Variants in TSHZ3 observed in about 807,000 individuals in gnomAD.
The protein encoded by TSHZ3 is teashirt zinc finger homeobox 3.
Under a neutral mutation model 64.5 loss-of-function variants are expected in TSHZ3, and 10 were observed. The ratio of observed to expected loss-of-function variants is 0.16; its 90% confidence interval spans 0.10 to 0.26. The LOEUF (loss-of-function observed/expected upper bound fraction) is 0.26. Ranked by LOEUF, TSHZ3 falls within the 10% of genes least tolerant of loss-of-function variation. The pLI is 1.00. For synonymous variants in TSHZ3, 608 were observed against 593.1 expected (o/e 1.03, Z -0.36); for missense variants, 1,242 against 1,421.7 (o/e 0.87, Z 2.03).
chr19:31,155,050 T>A (rs1974288435), intron 6 of TSHZ3, among the ~76,000 whole-genome samples: 1 of 152,232 alleles, frequency 6.6e-6, no homozygotes, highest in African/African-American at 2.4e-5. Context: ...TCAACAGTGG[T>A]TCTTGGAGAT....
intron 4 of TSHZ3, among the ~76,000 whole-genome samples, chr19:31,208,192 A>G (rs569228229): frequency 1.2e-4 from 19 of 152,340 alleles, no homozygotes; most frequent in African/African-American, 4.6e-4. Context: ...GAGGATATGA[A>G]TTGGTTTAGG....
intron 5 of TSHZ3, among the ~76,000 whole-genome samples, chr19:31,162,607 C>T (rs1327808082): frequency 6.6e-6 from 1 of 152,096 alleles, no homozygotes; most frequent in African/African-American, 2.4e-5. Flanking sequence ...ATTTCTTTAC[C>T]ACCAAGATCA....
chr19:31,310,816 A>C (rs923738643), intron 1 of TSHZ3, among the ~76,000 whole-genome samples: 1 of 152,262 alleles, frequency 6.6e-6, no homozygotes, highest in African/African-American at 2.4e-5. Flanking sequence ...ATGCACATAA[A>C]GCACTTAGCA....
intron 1 of TSHZ3, among the ~76,000 whole-genome samples, chr19:31,320,515 C>A (rs1916737292): frequency 1.3e-5 from 2 of 152,098 alleles, no homozygotes; most frequent in South Asian, 2.1e-4. Context: ...TCTGGGCCCA[C>A]CTGCGAGGGA....
intron 1 of TSHZ3, chr19:31,308,335 TG>T (rs1413500599): frequency 4.1e-6 from 1 of 241,908 alleles, no homozygotes; most frequent in Non-Finnish European, 7.8e-6. Flanking sequence ...GAGATATTAC[TG>T]CAAATAGATA....
intron 1 of TSHZ3, among the ~76,000 whole-genome samples, chr19:31,323,863 A>AACACACACACACACACAC (rs58051976): frequency 2.5e-5 from 3 of 122,240 alleles, no homozygotes; most frequent in Non-Finnish European, 5.2e-5. Context: ...CCTGGCCTCC[A>AACACACACACACACACAC]ACACACACAC....
intron 1 of TSHZ3, 43 bp downstream of exon 1, chr19:31,349,137 G>A: frequency 1.3e-6 from 2 of 1,534,956 alleles, no homozygotes; most frequent in African/African-American, 1.4e-5. Flanking sequence ...GCGAGCGGAG[G>A]AAGAGGAGGA....
At chr19:31,153,552 G>A (rs527839000) in intron 6 of TSHZ3, among the ~76,000 whole-genome samples, 2 of 152,132 alleles carry the variant, frequency 1.3e-5, no homozygotes, top group Non-Finnish European at 2.9e-5. Flanking sequence ...ACTATTTAAA[G>A]GTACTCCACA....
intron 4 of TSHZ3, among the ~76,000 whole-genome samples, chr19:31,217,324 G>T (rs1230162033): frequency 6.6e-6 from 1 of 152,164 alleles, no homozygotes; most frequent in Non-Finnish European, 1.5e-5. Flanking sequence ...GAACGAGGGG[G>T]AGATGGAGCA....
At chr19:31,339,796 G>GA (rs11386289) in intron 1 of TSHZ3, among the ~76,000 whole-genome samples, 29,256 of 140,490 alleles carry the variant, frequency 0.21, 3,642 homozygotes, top group East Asian at 0.47. Flanking sequence ...TGGCAAAAAG[G>GA]AAAAAAAAAA....
chr19:31,256,089 C>A (rs574377265), intron 1 of TSHZ3, among the ~76,000 whole-genome samples: 1 of 152,172 alleles, frequency 6.6e-6, no homozygotes, highest in African/African-American at 2.4e-5. Context: ...AGCCTTGGTC[C>A]CCATGTTCAC....
upstream of TSHZ3, among the ~76,000 whole-genome samples, chr19:31,350,357 G>A (rs779843107): frequency 8.7e-4 from 132 of 151,782 alleles, no homozygotes; most frequent in Non-Finnish European, 1.5e-3. Context: ...CGGTGTGGGA[G>A]GGGGTTCCTT....
At position 31,155,262 on chromosome 19, in the gene TSHZ3, C is replaced by T. The variant is rs149435222; in HGVS notation, n.871+1094G>A. Reference sequence around the variant, plus strand: ...GACAAGGAATATTTGTCCTGGAATCCTTTGTACCCTGCTCTCTTACTTGCC... The same window carrying T: ...GACAAGGAATATTTGTCCTGGAATCTTTTGTACCCTGCTCTCTTACTTGCC... On this transcript the variant is annotated intron_variant and non_coding_transcript_variant, in intron 6 of 6. Transcript: ENST00000651361. Among the ~76,000 whole-genome samples the T allele has an allele frequency of 3.6e-3, 542 of 152,304 alleles. 2 individuals are homozygous for T. The highest frequency in any genetic ancestry group is 5.3e-3 in the Admixed American group (81 of 15,306).
At chr19:31,187,141 T>C (rs931611861) in intron 5 of TSHZ3, among the ~76,000 whole-genome samples, 1 of 152,150 alleles carries the variant, frequency 6.6e-6, no homozygotes, top group Non-Finnish European at 1.5e-5. Flanking sequence ...CCCAAATGAC[T>C]CTAACCTTTG....
chr19:31,234,031 C>G (rs116500022), intron 3 of TSHZ3, among the ~76,000 whole-genome samples: 1,913 of 151,280 alleles, frequency 0.013, 34 homozygotes, highest in African/African-American at 0.043. Context: ...ACTATCTAGT[C>G]TTCCCATCCA....
chr19:31,201,910 T>C (rs529776525), intron 5 of TSHZ3, among the ~76,000 whole-genome samples: 15 of 152,340 alleles, frequency 9.8e-5, no homozygotes, highest in African/African-American at 3.4e-4. Context: ...CTCATGCCTG[T>C]AATCCCAGCA....
intron 5 of TSHZ3, among the ~76,000 whole-genome samples, chr19:31,164,721 C>G (rs891256513): frequency 6.6e-5 from 10 of 152,216 alleles, no homozygotes; most frequent in African/African-American, 2.4e-4. Flanking sequence ...TGCATGAAGG[C>G]TCCTGTTCCA....
chr19:31,320,994 C>T (rs956720310), intron 1 of TSHZ3, among the ~76,000 whole-genome samples: 36 of 152,328 alleles, frequency 2.4e-4, no homozygotes, highest in African/African-American at 7.0e-4. Context: ...CAAGATCCAT[C>T]GTCCACAGAA....
intron 1 of TSHZ3, among the ~76,000 whole-genome samples, chr19:31,316,379 G>C (rs959000586): frequency 6.6e-6 from 1 of 152,216 alleles, no homozygotes; most frequent in Non-Finnish European, 1.5e-5. Flanking sequence ...GTCATCTCCT[G>C]TAATTGTTTA....
Sources: gnomAD v4.1 joint callset for allele counts (sites outside exome capture counted in the v4.1 genomes callset) on GRCh38, gnomAD v4.1.1 for gene constraint, MANE v1.5 for transcripts, NCBI Gene and HGNC (gene_info 2026-07-23, HGNC 2026-07-21) for gene names.